The following C1QTNF7 variants were observed in gnomAD, a reference collection of about 807,000 sequenced individuals.
The protein encoded by C1QTNF7 is C1q and TNF related 7.
A neutral mutation model predicts 19.6 loss-of-function variants in C1QTNF7; 15 were observed. The ratio of observed to expected loss-of-function variants is 0.76; its 90% CI spans 0.51 to 1.18. C1QTNF7 has a LOEUF of 1.18. Ranked by LOEUF, C1QTNF7 falls within the 50% of genes most tolerant of loss-of-function variation. The pLI, the probability that C1QTNF7 is intolerant of heterozygous loss-of-function variation, is 0.00. For missense variants in C1QTNF7, 324 were observed against 359.7 expected (o/e 0.90, Z 0.80); for synonymous variants, 142 against 137.5 (o/e 1.03, Z -0.23).
chr4:15,393,184 T>A (rs541607561), intron 1 of C1QTNF7, among the ~76,000 whole-genome samples: 2 of 152,324 alleles, frequency 1.3e-5, no homozygotes, highest in South Asian at 4.1e-4. Context: ...ATGTAAGACA[T>A]GCCTTTTGCC....
chr4:15,373,396 T>A (rs1229062825), intron 1 of C1QTNF7, among the ~76,000 whole-genome samples: 1 of 152,246 alleles, frequency 6.6e-6, no homozygotes, highest in Non-Finnish European at 1.5e-5. Context: ...CATTGGATCT[T>A]AGGTTCCAAC....
intron 1 of C1QTNF7, among the ~76,000 whole-genome samples, chr4:15,397,538 C>G (rs1472317079): frequency 6.6e-6 from 1 of 152,082 alleles, no homozygotes; most frequent in Non-Finnish European, 1.5e-5. Context: ...CTGGCTATCT[C>G]TAGAGGCACC....
intron 1 of C1QTNF7, among the ~76,000 whole-genome samples, chr4:15,352,128 T>G (rs1454399799): frequency 6.6e-6 from 1 of 152,204 alleles, no homozygotes; most frequent in Non-Finnish European, 1.5e-5. Flanking sequence ...TCAGAGAATC[T>G]TGACCAAATA....
At chr4:15,349,316 G>T (rs889212267) in intron 1 of C1QTNF7, among the ~76,000 whole-genome samples, 1 of 151,902 alleles carries the variant, frequency 6.6e-6, no homozygotes, top group South Asian at 2.1e-4. Flanking sequence ...CTCACCTCCC[G>T]CTCACTCTAA....
exon 1 of C1QTNF7, chr4:15,340,161 G>A: frequency 6.4e-7 from 1 of 1,551,260 alleles, no homozygotes; most frequent in Non-Finnish European, 8.7e-7. Context: ...AAGCAAGAAA[G>A]CCTCATGTTT....
intron 1 of C1QTNF7, among the ~76,000 whole-genome samples, chr4:15,395,042 G>T (rs1012189608): frequency 1.3e-5 from 2 of 152,158 alleles, no homozygotes; most frequent in African/African-American, 2.4e-5. Flanking sequence ...CAAGAGGAGG[G>T]GGCACACCAT....
rs190284484 is a variant in C1QTNF7 at position 15,437,058 on chromosome 4, C to T, written c.238+1077C>T. Reference sequence around the variant, plus strand: ...TCAGATAAGAAGCTTTAATTTGGAGCTAAAATGTAAGTTTTTAAAGACATC... The same window carrying T: ...TCAGATAAGAAGCTTTAATTTGGAGTTAAAATGTAAGTTTTTAAAGACATC... On this transcript the variant is annotated intron_variant, in intron 2 of 2. Coordinates refer to ENST00000444304, the MANE Select transcript of C1QTNF7 (RefSeq NM_031911.5). Among the ~76,000 whole-genome samples, 4 of 152,188 alleles carry T rather than the reference C, an allele frequency of 2.6e-5. No individual in the cohort carries two copies. The East Asian group carries it at 7.7e-4, about 29-fold the overall frequency.
chr4:15,396,637 A>T (rs1467803280), intron 1 of C1QTNF7, among the ~76,000 whole-genome samples: 1 of 152,274 alleles, frequency 6.6e-6, no homozygotes, highest in South Asian at 2.1e-4. Flanking sequence ...AGCTAAAAAA[A>T]AGGTGTGTTA....
At chr4:15,422,811 T>C (rs186739435) in intron 1 of C1QTNF7, among the ~76,000 whole-genome samples, 11 of 152,202 alleles carry the variant, frequency 7.2e-5, no homozygotes, top group Admixed American at 7.2e-4. Flanking sequence ...TTTGTAGAGA[T>C]GGGGTTTTGC....
chr4:15,430,259 A>G (rs2108934042), intron 1 of C1QTNF7, among the ~76,000 whole-genome samples: 1 of 152,326 alleles, frequency 6.6e-6, no homozygotes, highest in South Asian at 2.1e-4. Context: ...ATTATTTATA[A>G]TTAGCATCCA....
chr4:15,366,887 T>C (rs1316787520), intron 1 of C1QTNF7, among the ~76,000 whole-genome samples: 1 of 152,196 alleles, frequency 6.6e-6, no homozygotes, highest in Non-Finnish European at 1.5e-5. Context: ...GTCATGCTGA[T>C]GCACATGAGG....
intron 1 of C1QTNF7, among the ~76,000 whole-genome samples, chr4:15,363,605 C>T (rs1560342614): frequency 6.6e-6 from 1 of 152,172 alleles, no homozygotes; most frequent in Non-Finnish European, 1.5e-5. Flanking sequence ...CGGTGGGTCA[C>T]AGCCTTCACT....
In C1QTNF7 at chr4:15,344,265, C is replaced by A. The variant is rs142565218; in HGVS notation, c.13+4058C>A. Among the ~76,000 whole-genome samples the A allele has an allele frequency of 1.0e-3, 155 of 152,280 alleles. 1 individual carries two copies. Among genetic ancestry groups the A allele is most frequent in the African/African-American group, 3.4e-3 (140 of 41,560 alleles). On this transcript the variant is annotated intron_variant, in intron 1 of 2. Coordinates refer to the C1QTNF7 transcript ENST00000295297. ...TTAGATTTTCTTTAAATGAAGTAAT[C>A]ATTTAGGTTTGTAAACAAGAAAGTA...
At position 15,435,966 on chromosome 4, in the gene C1QTNF7, G is replaced by A. The variant is rs1712521548; in HGVS notation, c.223G>A (p.Glu75Lys). Residue 75 changes from glutamate (E) to lysine (K), a missense_variant, in exon 2 of 3, where the codon GAA (glutamate) becomes AAA (lysine). Transcript: ENST00000444304. ...GRDGRKGEKGEKGTAGLRGKT... is the reference protein window; with the variant it reads ...GRDGRKGEKGKKGTAGLRGKT... The stretch of plus-strand genomic sequence containing the variant: ...AGACGGCAGGAAAGGAGAGAAAGGT[G>A]AAAAGGGAACTGCAGGTAATGAATG... 1 of 1,613,608 alleles carries A rather than the reference G, an allele frequency of 6.2e-7. No homozygotes were observed. Among genetic ancestry groups the A allele is most frequent in the Non-Finnish European group, 8.5e-7 (1 of 1,179,794 alleles).
At chr4:15,361,476 C>T (rs781199909) in intron 1 of C1QTNF7, among the ~76,000 whole-genome samples, 10 of 152,086 alleles carry the variant, frequency 6.6e-5, no homozygotes, top group Admixed American at 1.3e-4. Flanking sequence ...GCTTACATTG[C>T]TTTCAACATT....
upstream of C1QTNF7, among the ~76,000 whole-genome samples, chr4:15,423,040 T>C (rs919250070): frequency 4.6e-5 from 7 of 152,248 alleles, no homozygotes; most frequent in Non-Finnish European, 8.8e-5. Context: ...TGGATATTTA[T>C]GTAGATTAAA....
chr4:15,374,823 A>G (rs1190120145), intron 1 of C1QTNF7: 1 of 925,270 alleles, frequency 1.1e-6, no homozygotes, highest in Non-Finnish European at 1.3e-6. Context: ...TTTTTTCCTT[A>G]GAAAGGCGTC....
rs547085851 is a variant in C1QTNF7 at position 15,434,124 on chromosome 4, C to A, written c.-8-1612C>A. Among the ~76,000 whole-genome samples, 73 of 150,018 alleles carry A rather than the reference C, an allele frequency of 4.9e-4. 1 individual carries two copies. The highest frequency in any genetic ancestry group is 1.7e-3 in the African/African-American group (71 of 40,900). On this transcript the variant is annotated intron_variant, in intron 1 of 2. Coordinates refer to ENST00000444304, the MANE Select transcript of C1QTNF7 (RefSeq NM_031911.5). Reference sequence around the variant, plus strand: ...ATTTGTGCTGTATGACAAGGGCATACAAAAATGTCTACCAGACAGGGCATG... The same window carrying A: ...ATTTGTGCTGTATGACAAGGGCATAAAAAAATGTCTACCAGACAGGGCATG...
At chr4:15,356,392 T>C (rs1375869946) in intron 1 of C1QTNF7, among the ~76,000 whole-genome samples, 1 of 152,142 alleles carries the variant, frequency 6.6e-6, no homozygotes, top group African/African-American at 2.4e-5. Context: ...GAATGATGGT[T>C]TCCAGCTTCA....
Sources: allele counts gnomAD v4.1 joint callset (sites outside exome capture counted in the v4.1 genomes callset), GRCh38; gene constraint gnomAD v4.1.1; transcripts MANE v1.5; gene names NCBI Gene and HGNC (gene_info 2026-07-23, HGNC 2026-07-21).